The following SHD variants were observed in gnomAD, a reference collection of about 807,000 sequenced individuals.
SHD encodes Src homology 2 domain containing transforming protein D.
SHD carries 29 observed loss-of-function variants against 31.2 expected under a neutral mutation model. The ratio of observed to expected loss-of-function variants is 0.93; its 90% CI spans 0.69 to 1.27. The LOEUF is 1.27. Among genes scored for constraint, SHD ranks in the 50% most tolerant of loss-of-function variants. The pLI, the probability that SHD is intolerant of heterozygous loss-of-function variation, is 0.00. For missense variants in SHD, 520 were observed against 453.8 expected (o/e 1.15, Z -1.33); for synonymous variants, 208 against 187.8 (o/e 1.11, Z -0.88).
chr19:4,287,351 G>GA (rs1971331231), intron 4 of SHD, among the ~76,000 whole-genome samples: 1 of 150,386 alleles, frequency 6.6e-6, no homozygotes, highest in African/African-American at 2.4e-5. Context: ...GAAAGAAAAA[G>GA]AAAAAAACAG....
chr19:4,286,231 TTTTC>T (rs200796435), intron 4 of SHD, among the ~76,000 whole-genome samples: 1,148 of 49,986 alleles, frequency 0.023, 12 homozygotes, highest in Non-Finnish European at 0.03. Context: ...TCTTTCTTTC[TTTTC>T]TTTCTTTCTT....
intron 1 of SHD, among the ~76,000 whole-genome samples, chr19:4,281,403 T>A (rs1599511336): frequency 7.3e-6 from 1 of 137,108 alleles, no homozygotes; most frequent in Middle Eastern, 4.4e-3. Flanking sequence ...GAGTCATGAT[T>A]GCGCCACTGC....
chr19:4,280,295 C>T lies in SHD; in HGVS notation c.232C>T (p.Leu78Phe). ...CAAGTATGGTTCTCCCAAGCACCGG[C>T]TCATCAAGGTGGAGGCTGCGGATAT... ...DAKYGSPKHR[L>F]IKVEAADMAR... The change falls in exon 1 of 6, where the codon CTC (leucine) becomes TTC (phenylalanine). Residue 78 changes from leucine to phenylalanine, a missense_variant. Leu to Phe is a conservative substitution (Grantham distance 22, BLOSUM62 0). Transcript: ENST00000543264. The T allele has an allele frequency of 6.2e-7, 1 of 1,610,674 alleles. No individual in the cohort carries two copies. The highest frequency in any genetic ancestry group is 8.5e-7 in the Non-Finnish European group (1 of 1,178,692).
At chr19:4,282,663 C>T (rs10409188) in intron 1 of SHD, among the ~76,000 whole-genome samples, 3,883 of 151,994 alleles carry the variant, frequency 0.026, 153 homozygotes, top group African/African-American at 0.087. Context: ...TTGCAGTGAG[C>T]CCAGATCCCG....
Position 4,287,281 on chromosome 19 carries a change from G to C in SHD, c.717-962G>C, listed in dbSNP as rs571561547. 7.2e-4 allele frequency among the ~76,000 whole-genome samples: 109 copies of C among 151,654 alleles called. 1 individual carries two copies. Among genetic ancestry groups the C allele is most frequent in the Non-Finnish European group, 1.3e-3 (89 of 67,946 alleles). On this transcript the variant is annotated intron_variant, in intron 4 of 5. Coordinates refer to ENST00000543264, the MANE Select transcript of SHD (RefSeq NM_020209.4). Reference sequence around the variant, plus strand: ...GGGGAGGCGGAGCTTACAGTGAGCCGAGATCGTGCCACTGCACTCCAGCCT... The same window carrying C: ...GGGGAGGCGGAGCTTACAGTGAGCCCAGATCGTGCCACTGCACTCCAGCCT...
rs141052448 is a variant in SHD, at chr19:4,284,842, T to A, written c.654T>A (p.Pro218=). ...TPGSAKELRR[P]PPRSPQPAER... is the part of the protein sequence containing the mutation. Reference sequence around the variant, plus strand: ...GCTCAGCCAAGGAGCTCCGGAGACCTCCGCCCAGAAGCCCCCAGCCTGCGG... The same window carrying A: ...GCTCAGCCAAGGAGCTCCGGAGACCACCGCCCAGAAGCCCCCAGCCTGCGG... The change falls in exon 4 of 6, where the codon CCT becomes CCA. Residue 218 remains proline, a synonymous_variant. Transcript: ENST00000543264. 2.7e-5 allele frequency: 43 copies of A among 1,612,746 alleles called. No homozygotes were observed. In the South Asian group the frequency reaches 3.0e-4, roughly 11 times the overall value.
In SHD at chr19:4,279,763, C is replaced by CCCACAGCGCG. The variant is rs1971235796; in HGVS notation, c.-299_-298insACAGCGCGCC. The CCCACAGCGCG allele has an allele frequency of 5.0e-6, 2 of 400,722 alleles. No individual in the cohort carries two copies. The allele number at this position is 400,722 out of a possible 1,614,324, so 24.8% of individuals were successfully genotyped here. ...CCTCCGCGGATGCCCCTCGCCCTAG[C>CCCACAGCGCG]CCCCAGCGCGCGGGGTTCGGGGCCC... is the stretch of plus-strand genomic sequence containing the variant. On this transcript the variant is annotated 5_prime_UTR_variant, in exon 1 of 6. The change abolishes the stop of an existing upstream ORF in the 5' untranslated region. Coordinates refer to ENST00000543264, the MANE Select transcript of SHD (RefSeq NM_020209.4). The surrounding 1 kb of genome is among the most constrained non-coding windows in gnomAD (Gnocchi z 7.5).
chr19:4,283,277 C>A, intron 3 of SHD, 35 bp downstream of exon 3: 1 of 1,580,236 alleles, frequency 6.3e-7, no homozygotes, highest in Non-Finnish European at 8.7e-7. Context: ...CATCTGAATG[C>A]CCCATCCCTG....
At chr19:4,287,039 A>G (rs1325883480) in intron 4 of SHD, among the ~76,000 whole-genome samples, 4 of 151,732 alleles carry the variant, frequency 2.6e-5, no homozygotes, top group Admixed American at 2.6e-4. Context: ...AAATAGAAAA[A>G]AATTAGCCAG....
chr19:4,282,889 A>G lies in SHD; in HGVS notation c.317A>G (p.Tyr106Cys). ...CCGCAGCTGGAAGCCGACACTGAGT[A>G]TTTAGACCCCTTTGATGCTCAGCCT... ...PGEELEADTE[Y>C]LDPFDAQPHP... is the part of the protein sequence containing the mutation. The change falls in exon 2 of 6, where the codon TAT (tyrosine) becomes TGT (cysteine). Residue 106 changes from tyrosine to cysteine, a missense_variant. Coordinates refer to ENST00000543264, the MANE Select transcript of SHD (RefSeq NM_020209.4). 1 of 1,613,918 alleles carries G rather than the reference A, an allele frequency of 6.2e-7. No homozygotes were observed. Among genetic ancestry groups the G allele is most frequent in the Non-Finnish European group, 8.5e-7 (1 of 1,179,960 alleles).
intron 5 of SHD, among the ~76,000 whole-genome samples, chr19:4,290,233 C>A (rs1971362867): frequency 6.6e-6 from 1 of 152,146 alleles, no homozygotes; most frequent in African/African-American, 2.4e-5. Flanking sequence ...AGGCTGGTCT[C>A]TAACGCCTGG....
chr19:4,284,694 T>G, intron 3 of SHD, 87 bp from the exon 4 acceptor site: 1 of 1,366,212 alleles, frequency 7.3e-7, no homozygotes. Flanking sequence ...GGCCCTGCCT[T>G]TCTACCGAGA....
intron 1 of SHD, among the ~76,000 whole-genome samples, chr19:4,282,401 C>A (rs1007816964): frequency 5.3e-5 from 8 of 151,902 alleles, no homozygotes; most frequent in Admixed American, 3.3e-4. Context: ...GCCTGGGCAA[C>A]GGAGCAAGAC....
chr19:4,281,156 C>T (rs1417734078), intron 1 of SHD, among the ~76,000 whole-genome samples: 2 of 152,012 alleles, frequency 1.3e-5, no homozygotes, highest in East Asian at 3.9e-4. Context: ...AGGATTTGAA[C>T]CCAGGCCACC....
At position 4,290,520 on chromosome 19, in the gene SHD, G is replaced by A. The variant is rs373893063; in HGVS notation, c.910G>A (p.Gly304Arg). Residue 304 changes from glycine (G) to arginine (R), a missense_variant, in exon 6 of 6, where the codon GGG becomes AGG. Coordinates refer to ENST00000543264, the MANE Select transcript of SHD (RefSeq NM_020209.4). ...ENQVVLGQHS[G>R]PFPSVPELVL... The stretch of plus-strand genomic sequence containing the variant: ...CCAGGTGGTGCTGGGCCAACACAGC[G>A]GGCCCTTCCCCAGCGTGCCCGAGCT... The A allele has an allele frequency of 8.1e-6, 13 of 1,613,476 alleles. No homozygotes were observed. Among genetic ancestry groups the A allele is most frequent in the African/African-American group, 6.7e-5 (5 of 74,878 alleles).
chr19:4,288,049 C>G, intron 4 of SHD, 194 bp from the exon 5 acceptor site: 1 of 460,358 alleles, frequency 2.2e-6, no homozygotes. Flanking sequence ...TTACAGGCAC[C>G]CGCCACCACG....
intron 5 of SHD, among the ~76,000 whole-genome samples, chr19:4,288,877 T>G (rs1037451700): frequency 1.3e-5 from 2 of 152,248 alleles, no homozygotes; most frequent in South Asian, 2.1e-4. Flanking sequence ...AGCTGACGTC[T>G]GTAATCCCAG....
chr19:4,287,795 AAAAAG>A (rs1259199948), intron 4 of SHD, among the ~76,000 whole-genome samples: 1 of 152,054 alleles, frequency 6.6e-6, no homozygotes, highest in Non-Finnish European at 1.5e-5. Context: ...AAAAAAAAGA[AAAAAG>A]AAAACTCCAA....
In SHD at chr19:4,280,077, T is replaced by C. The variant is rs1971240538; in HGVS notation, c.14T>C (p.Leu5Pro). 1.2e-6 allele frequency: 2 copies of C among 1,606,918 alleles called. No homozygotes were observed. The highest frequency in any genetic ancestry group is 1.7e-6 in the Non-Finnish European group (2 of 1,177,440). The change falls in exon 1 of 6, where the codon CTA (leucine) becomes CCA (proline). Residue 5 changes from leucine to proline, a missense_variant. Physicochemically the swap from Leu to Pro is moderately conservative, Grantham distance 98. Coordinates refer to ENST00000543264, the MANE Select transcript of SHD (RefSeq NM_020209.4). The stretch of plus-strand genomic sequence containing the variant: ...ACAGGCGCCCAAATGGCCAAGTGGC[T>C]ACGGGACTACCTGAGCTTTGGGGGT... MAKW[L>P]RDYLSFGGRR...
Sources: gnomAD v4.1 joint callset for allele counts (sites outside exome capture counted in the v4.1 genomes callset) on GRCh38, gnomAD v4.1.1 for gene constraint, Gnocchi (gnomAD v3.1) non-coding constraint, MANE v1.5 for transcripts, NCBI Gene and HGNC (gene_info 2026-07-23, HGNC 2026-07-21) for gene names.